AUTS2: variants seen among roughly 807,000 people sequenced by gnomAD.
AUTS2 encodes the protein autism susceptibility gene 2 protein.
A neutral mutation model predicts 112.4 loss-of-function variants in AUTS2; 17 were observed. The ratio of observed to expected loss-of-function variants is 0.15; its 90% confidence interval spans 0.10 to 0.23. AUTS2 has a LOEUF of 0.23. AUTS2 is among the 10% of genes least tolerant of loss of function. The pLI, the probability that AUTS2 is intolerant of heterozygous loss-of-function variation, is 1.00. For missense variants in AUTS2, 1,510 were observed against 1,701.6 expected, an observed-to-expected ratio of 0.89 and a Z score of 1.98; for synonymous variants, 751 against 702.7, an observed-to-expected ratio of 1.07 and a Z score of -1.09.
intron 4 of AUTS2, among the ~76,000 whole-genome samples, chr7:70,226,077 C>A (rs571247537): frequency 6.6e-6 from 1 of 152,314 alleles, no homozygotes; most frequent in South Asian, 2.1e-4. Context: ...AATGTCTATT[C>A]ATTCTTGACA....
intron 1 of AUTS2, among the ~76,000 whole-genome samples, chr7:69,609,692 G>C (rs781394349): frequency 3.3e-5 from 5 of 152,212 alleles, no homozygotes; most frequent in South Asian, 4.1e-4. Flanking sequence ...GAACTTTGGA[G>C]TATAGTGGAG....
intron 5 of AUTS2, among the ~76,000 whole-genome samples, chr7:70,609,959 T>TTTGTTA (rs751265981): frequency 2.0e-4 from 25 of 122,970 alleles, no homozygotes; most frequent in African/African-American, 7.4e-4. Context: ...AGTTCTGTTT[T>TTTGTTA]TTGTTGTTGT....
intron 4 of AUTS2, among the ~76,000 whole-genome samples, chr7:70,288,695 A>G (rs1788575652): frequency 1.3e-5 from 2 of 152,122 alleles, no homozygotes. Flanking sequence ...ACTGGAGAGG[A>G]TGGAGATAAA....
chr7:70,440,258 C>T (rs1159460563), intron 5 of AUTS2, among the ~76,000 whole-genome samples: 1 of 140,410 alleles, frequency 7.1e-6, no homozygotes, highest in Non-Finnish European at 1.5e-5. Context: ...AATCTTAAAA[C>T]TTAACCAGGC....
At chr7:69,885,246 G>A (rs527600898) in intron 1 of AUTS2, among the ~76,000 whole-genome samples, 1 of 152,244 alleles carries the variant, frequency 6.6e-6, no homozygotes, top group African/African-American at 2.4e-5. Context: ...CACATAGGCA[G>A]AACATATGGA....
At chr7:69,646,080 T>C (rs1795008613) in intron 1 of AUTS2, among the ~76,000 whole-genome samples, 1 of 151,834 alleles carries the variant, frequency 6.6e-6, no homozygotes, top group African/African-American at 2.4e-5. Context: ...GTTTATACTG[T>C]TGTTGTGGTT....
At chr7:69,683,910 G>C (rs148718727) in intron 1 of AUTS2, among the ~76,000 whole-genome samples, 1 of 152,090 alleles carries the variant, frequency 6.6e-6, no homozygotes, top group Admixed American at 6.5e-5. Context: ...ATGAGACTCC[G>C]TGTCAAAAAA....
intron 1 of AUTS2, among the ~76,000 whole-genome samples, chr7:69,663,453 T>C (rs554274891): frequency 6.6e-6 from 1 of 152,268 alleles, no homozygotes; most frequent in East Asian, 1.9e-4. Flanking sequence ...CCAGCTAATA[T>C]AATTATGCTG....
chr7:70,604,957 T>C (rs1803653299), intron 5 of AUTS2, among the ~76,000 whole-genome samples: 1 of 152,240 alleles, frequency 6.6e-6, no homozygotes, highest in Non-Finnish European at 1.5e-5. Flanking sequence ...AAATCAGATT[T>C]CTTCACTGTG....
intron 5 of AUTS2, among the ~76,000 whole-genome samples, chr7:70,475,222 T>A (rs1281273240): frequency 6.6e-6 from 1 of 152,162 alleles, no homozygotes; most frequent in African/African-American, 2.4e-5. Flanking sequence ...ATCCCTAACA[T>A]GCAAAAATTT....
chr7:70,565,797 C>T (rs1801684658), intron 5 of AUTS2, among the ~76,000 whole-genome samples: 1 of 152,132 alleles, frequency 6.6e-6, no homozygotes, highest in Admixed American at 6.5e-5. Flanking sequence ...ATGAGAATAG[C>T]ATATAATTTC....
intron 1 of AUTS2, among the ~76,000 whole-genome samples, chr7:69,898,249 G>C (rs1340194158): frequency 6.6e-6 from 1 of 152,170 alleles, no homozygotes; most frequent in Non-Finnish European, 1.5e-5. Context: ...AGAAACTGAG[G>C]AAGTGTGGTA....
intron 1 of AUTS2, among the ~76,000 whole-genome samples, chr7:69,716,296 C>CATG (rs1392246584): frequency 6.6e-6 from 1 of 151,784 alleles, no homozygotes; most frequent in East Asian, 1.9e-4. Flanking sequence ...CCATCTCTGT[C>CATG]ACAATCACAT....
At chr7:70,388,271 G>C (rs752098032) in intron 4 of AUTS2, among the ~76,000 whole-genome samples, 3 of 152,090 alleles carry the variant, frequency 2.0e-5, no homozygotes, top group Admixed American at 1.3e-4. Context: ...AGGACATTTA[G>C]CACTTTGTCT....
At chr7:70,363,895 A>C (rs545409566) in intron 4 of AUTS2, among the ~76,000 whole-genome samples, 11 of 152,354 alleles carry the variant, frequency 7.2e-5, no homozygotes, top group African/African-American at 2.4e-4. Flanking sequence ...TTAATTAGCT[A>C]GCTAGCTTTT....
chr7:70,503,187 A>C (rs1030787761), intron 5 of AUTS2, among the ~76,000 whole-genome samples: 2 of 152,054 alleles, frequency 1.3e-5, no homozygotes, highest in Non-Finnish European at 2.9e-5. Flanking sequence ...CACATTTTGG[A>C]AAGAGAAAGT....
chr7:70,761,464 G>A (rs532692829), intron 6 of AUTS2, among the ~76,000 whole-genome samples: 1 of 152,270 alleles, frequency 6.6e-6, no homozygotes, highest in East Asian at 1.9e-4. Flanking sequence ...TCATTTCAAA[G>A]GATGTTGTCA....
chr7:69,967,224 A>C (rs1797667291), intron 2 of AUTS2, among the ~76,000 whole-genome samples: 1 of 152,194 alleles, frequency 6.6e-6, no homozygotes, highest in Admixed American at 6.5e-5. Flanking sequence ...ATGTTTGGCC[A>C]GGTGTTAATC....
At chr7:69,947,157 A>G (rs144761119) in intron 2 of AUTS2, among the ~76,000 whole-genome samples, 5 of 152,332 alleles carry the variant, frequency 3.3e-5, no homozygotes, top group Admixed American at 6.5e-5. Context: ...ACAGATGTCA[A>G]CTAATCTAGT....
Sources: allele counts gnomAD v4.1 joint callset (sites outside exome capture counted in the v4.1 genomes callset), GRCh38; gene constraint gnomAD v4.1.1; transcripts MANE v1.5; gene names NCBI Gene and HGNC (gene_info 2026-07-23, HGNC 2026-07-21).